The following NDUFA5 variants were observed in gnomAD, a reference collection of about 807,000 sequenced individuals.
NDUFA5 encodes NADH:ubiquinone oxidoreductase subunit A5, also known as NADH dehydrogenase [ubiquinone] 1 alpha subcomplex subunit 5.
A neutral mutation model predicts 19.8 loss-of-function variants in NDUFA5; 11 were observed. The observed-to-expected ratio is 0.56, with a 90% CI of 0.35 to 0.92. The LOEUF is 0.92. NDUFA5 is among the 40% of genes least tolerant of loss of function. NDUFA5 has a pLI of 0.01. For missense variants in NDUFA5, 109 were observed against 134.2 expected (o/e 0.81, Z 0.93); for synonymous variants, 47 against 46.8 (o/e 1.00, Z -0.01).
chr7:123,599,029 T>G, the NDUFA5 span: 1 of 152,364 alleles, frequency 6.6e-6, no homozygotes, highest in East Asian at 1.9e-4. Context: ...ATTTTATGTT[T>G]TTATATTCTT....
At chr7:123,578,628 T>C in the NDUFA5 span, among the ~76,000 whole-genome samples, 1 of 152,004 alleles carries the variant, frequency 6.6e-6, no homozygotes, top group Admixed American at 6.6e-5. Flanking sequence ...TATATACTCT[T>C]TTAATATCTG....
the NDUFA5 span, among the ~76,000 whole-genome samples, chr7:123,591,758 A>T: frequency 6.6e-6 from 1 of 151,970 alleles, no homozygotes; most frequent in Non-Finnish European, 1.5e-5. Context: ...GCCTAAAATT[A>T]TCTTTTTATA....
chr7:123,595,906 A>C, the NDUFA5 span, among the ~76,000 whole-genome samples: 1 of 152,232 alleles, frequency 6.6e-6, no homozygotes, highest in Admixed American at 6.5e-5. Context: ...ACCAAACCTC[A>C]AAACTCAATC....
At chr7:123,546,456 A>G (rs1413385913) in intron 3 of NDUFA5, among the ~76,000 whole-genome samples, 1 of 152,198 alleles carries the variant, frequency 6.6e-6, no homozygotes. Context: ...GTATATAATT[A>G]TTTAATAGAA....
chr7:123,578,947 G>C, the NDUFA5 span, among the ~76,000 whole-genome samples: 1 of 151,924 alleles, frequency 6.6e-6, no homozygotes, highest in East Asian at 1.9e-4. Flanking sequence ...TACATATGCA[G>C]GTTTGTTACA....
At chr7:123,561,498 T>A (rs529447667), upstream of NDUFA5, among the ~76,000 whole-genome samples, 1 of 152,242 alleles carries the variant, frequency 6.6e-6, no homozygotes, top group Non-Finnish European at 1.5e-5. Flanking sequence ...ACATTTGCAA[T>A]GGCTTTTTCC....
At chr7:123,598,537 A>T in the NDUFA5 span, among the ~76,000 whole-genome samples, 9 of 152,232 alleles carry the variant, frequency 5.9e-5, no homozygotes, top group African/African-American at 2.2e-4. Flanking sequence ...ACCAGCTTTT[A>T]AAAAATTTAT....
chr7:123,590,334 C>T, the NDUFA5 span, among the ~76,000 whole-genome samples: 3 of 152,086 alleles, frequency 2.0e-5, no homozygotes, highest in Non-Finnish European at 4.4e-5. Flanking sequence ...AATTAGATCC[C>T]ATTTGTCTAT....
intron 2 of NDUFA5, chr7:123,556,395 C>CT (rs1441436999): frequency 6.4e-6 from 1 of 155,730 alleles, no homozygotes; most frequent in African/African-American, 2.4e-5. Context: ...AAACCGTTCT[C>CT]TATTTGGATT....
chr7:123,565,536 T>C, the NDUFA5 span, among the ~76,000 whole-genome samples: 1 of 152,170 alleles, frequency 6.6e-6, no homozygotes, highest in Non-Finnish European at 1.5e-5. Flanking sequence ...ATAATACAAA[T>C]TGTTTCCCCC....
chr7:123,581,961 C>G, the NDUFA5 span, among the ~76,000 whole-genome samples: 1 of 151,926 alleles, frequency 6.6e-6, no homozygotes, highest in African/African-American at 2.4e-5. Flanking sequence ...AGCTTTTTAC[C>G]TGCACCAGCC....
chr7:123,561,850 C>G (rs1224435770), upstream of NDUFA5, among the ~76,000 whole-genome samples: 1 of 151,862 alleles, frequency 6.6e-6, no homozygotes, highest in Admixed American at 6.6e-5. Context: ...CCCACCTCAG[C>G]CTTCCAAAGT....
chr7:123,561,907 A>C (rs910422989), upstream of NDUFA5, among the ~76,000 whole-genome samples: 1 of 151,256 alleles, frequency 6.6e-6, no homozygotes, highest in African/African-American at 2.4e-5. Context: ...TGAATCACCA[A>C]ATCTTTTTAA....
At chr7:123,563,218 A>T in the NDUFA5 span, among the ~76,000 whole-genome samples, 1 of 152,204 alleles carries the variant, frequency 6.6e-6, no homozygotes, top group African/African-American at 2.4e-5. Flanking sequence ...TTTTTGGCCC[A>T]TCTTAGCTTT....
At chr7:123,570,695 A>C in the NDUFA5 span, among the ~76,000 whole-genome samples, 1 of 148,584 alleles carries the variant, frequency 6.7e-6, no homozygotes, top group Admixed American at 6.8e-5. Flanking sequence ...TAGTTCTGCA[A>C]GGAACCACTG....
chr7:123,585,332 A>G, the NDUFA5 span, among the ~76,000 whole-genome samples: 1 of 151,706 alleles, frequency 6.6e-6, no homozygotes, highest in Non-Finnish European at 1.5e-5. Flanking sequence ...AGCAGAAGAG[A>G]CAACTTCCTC....
chr7:123,591,970 T>A, the NDUFA5 span, among the ~76,000 whole-genome samples: 1 of 152,200 alleles, frequency 6.6e-6, no homozygotes, highest in African/African-American at 2.4e-5. Context: ...AATGCCTCAA[T>A]TTCAGGACCT....
chr7:123,553,887 A>C (rs1798444258), intron 2 of NDUFA5, among the ~76,000 whole-genome samples: 1 of 152,250 alleles, frequency 6.6e-6, no homozygotes, highest in African/African-American at 2.4e-5. Context: ...AGCTGAGACC[A>C]GAGAAGCATT....
the NDUFA5 span, among the ~76,000 whole-genome samples, chr7:123,596,641 A>C: frequency 6.6e-6 from 1 of 152,148 alleles, no homozygotes; most frequent in Non-Finnish European, 1.5e-5. Flanking sequence ...TAAGGAAAAA[A>C]TAAAGAAAGA....
Sources: allele counts gnomAD v4.1 joint callset (sites outside exome capture counted in the v4.1 genomes callset), GRCh38; gene constraint gnomAD v4.1.1; transcripts MANE v1.5; gene names NCBI Gene and HGNC (gene_info 2026-07-23, HGNC 2026-07-21).